Variants in HYDIN observed in about 807,000 individuals in gnomAD.
HYDIN encodes the protein axonemal central pair apparatus protein HYDIN.
HYDIN carries 132 observed loss-of-function variants against 403.9 expected under a neutral mutation model. The observed-to-expected ratio is 0.33, with a 90% CI of 0.28 to 0.38. The LOEUF is 0.38. HYDIN is among the 10% of genes least tolerant of loss of function. HYDIN has a pLI of 1.00. For synonymous variants in HYDIN, 1,202 were observed against 1,891.7 expected, an observed-to-expected ratio of 0.64 and a Z score of 9.46; for missense variants, 2,827 against 5,009.5, an observed-to-expected ratio of 0.56 and a Z score of 13.15.
intron 47 of HYDIN, 75 bp from the exon 48 acceptor site, chr16:70,908,936 T>A: frequency 6.4e-7 from 1 of 1,571,454 alleles, no homozygotes; most frequent in Non-Finnish European, 8.6e-7. Context: ...GATGGCCACA[T>A]GTCTGTCATC....
intron 1 of HYDIN, 80 bp from the exon 2 acceptor site, chr16:71,186,998 A>C: frequency 1.1e-6 from 1 of 884,334 alleles, no homozygotes; most frequent in Non-Finnish European, 1.7e-6. Flanking sequence ...AAGCTTTTTC[A>C]AATACAGGAA....
chr16:70,839,657 G>T (rs2037679845), intron 76 of HYDIN, among the ~76,000 whole-genome samples: 1 of 152,174 alleles, frequency 6.6e-6, no homozygotes, highest in Non-Finnish European at 1.5e-5. Flanking sequence ...TCCCACACAG[G>T]GATGGTGCCG....
At chr16:70,854,178 C>A (rs1481074182) in intron 73 of HYDIN, among the ~76,000 whole-genome samples, 2 of 152,168 alleles carry the variant, frequency 1.3e-5, no homozygotes, top group Admixed American at 6.5e-5. Context: ...CCACGCCCAG[C>A]AGTCTTCCTA....
At chr16:71,161,633 C>T (rs2086005384) in intron 6 of HYDIN, among the ~76,000 whole-genome samples, 1 of 152,150 alleles carries the variant, frequency 6.6e-6, no homozygotes, top group Non-Finnish European at 1.5e-5. Context: ...CTTCTGCTTC[C>T]TTCTTCTATT....
intron 18 of HYDIN, among the ~76,000 whole-genome samples, chr16:71,039,290 A>G (rs2081203610): frequency 6.6e-6 from 1 of 152,220 alleles, no homozygotes; most frequent in African/African-American, 2.4e-5. Flanking sequence ...ATGCTCAGTC[A>G]GTGGTGATCA....
intron 18 of HYDIN, among the ~76,000 whole-genome samples, chr16:71,034,135 A>G (rs866971225): frequency 6.6e-6 from 1 of 152,104 alleles, no homozygotes; most frequent in Non-Finnish European, 1.5e-5. Flanking sequence ...TAACGCATAC[A>G]GTAGAAAACA....
chr16:71,105,325 A>C (rs973920084), intron 10 of HYDIN, among the ~76,000 whole-genome samples: 6 of 151,990 alleles, frequency 3.9e-5, no homozygotes, highest in African/African-American at 1.4e-4. Flanking sequence ...TATCTAAAAA[A>C]AAAAATTCCA....
At chr16:71,224,305 G>C (rs1322835897) in intron 1 of HYDIN, among the ~76,000 whole-genome samples, 1 of 152,086 alleles carries the variant, frequency 6.6e-6, no homozygotes, top group Non-Finnish European at 1.5e-5. Flanking sequence ...TCAGAAGTAG[G>C]GTAAGGGATA....
At chr16:70,905,732 C>T (rs1265423675) in intron 50 of HYDIN, among the ~76,000 whole-genome samples, 6 of 151,984 alleles carry the variant, frequency 3.9e-5, no homozygotes, top group Non-Finnish European at 7.4e-5. Flanking sequence ...CACTGTCCTT[C>T]CCACATCAGT....
chr16:70,927,488 C>T (rs1597342595), intron 45 of HYDIN, among the ~76,000 whole-genome samples: 2 of 147,672 alleles, frequency 1.4e-5, no homozygotes, highest in Middle Eastern at 6.8e-3. Context: ...CCTTCATCTG[C>T]ATGCAACTAC....
At chr16:71,107,289 A>G (rs1244770622) in intron 10 of HYDIN, among the ~76,000 whole-genome samples, 3 of 151,168 alleles carry the variant, frequency 2.0e-5, no homozygotes, top group Admixed American at 1.3e-4. Context: ...CCTAGCACTT[A>G]AAGCATAATA....
chr16:71,042,677 A>G (rs1256539775), intron 18 of HYDIN, among the ~76,000 whole-genome samples: 1 of 152,192 alleles, frequency 6.6e-6, no homozygotes, highest in Non-Finnish European at 1.5e-5. Context: ...TGTATCTATC[A>G]TGGACATCAC....
intron 1 of HYDIN, among the ~76,000 whole-genome samples, chr16:71,201,366 A>G (rs1038854576): frequency 1.3e-5 from 2 of 152,084 alleles, no homozygotes; most frequent in African/African-American, 4.8e-5. Flanking sequence ...ATCTTCATTT[A>G]AAAAAAGAAT....
At chr16:70,886,365 CTCTG>C (rs1179536655) in intron 58 of HYDIN, among the ~76,000 whole-genome samples, 4 of 151,052 alleles carry the variant, frequency 2.6e-5, no homozygotes, top group South Asian at 2.1e-4. Context: ...TCTTTCCCCG[CTCTG>C]TCTAAAATAT....
chr16:71,191,376 A>T (rs180672844), intron 1 of HYDIN, among the ~76,000 whole-genome samples: 10 of 152,328 alleles, frequency 6.6e-5, no homozygotes, highest in Admixed American at 6.5e-4. Context: ...ATTGTCTGAG[A>T]TATACTTTAA....
In HYDIN at chr16:70,920,758, G is replaced by A. The variant is rs1166348628; in HGVS notation, c.7618C>T (p.Arg2540Ter). 5 of 1,565,904 alleles carry A rather than the reference G, an allele frequency of 3.2e-6. No individual in the cohort carries two copies. The highest frequency in any genetic ancestry group is 4.3e-6 in the Non-Finnish European group (5 of 1,154,558). The change falls in exon 46 of 86, where the codon CGA (arginine) becomes TGA (stop). Residue 2540 changes from arginine to a stop codon, truncating the protein, a stop_gained. Coordinates refer to ENST00000393567, the MANE Select transcript of HYDIN (RefSeq NM_001270974.2). LOFTEE classifies it high-confidence loss of function. ...KAERERLEKL[R>*]ALEERSDWEG... ...CAGTCGCTCCGCTCCTCCAGGGCTC[G>A]CAGCTTCTCCAGGCGCTCCCGCTCC...
intron 21 of HYDIN, among the ~76,000 whole-genome samples, chr16:71,023,324 A>ATATTT (rs945890765): frequency 1.3e-5 from 2 of 151,498 alleles, no homozygotes; most frequent in Admixed American, 6.6e-5. Flanking sequence ...CAAGCCATGG[A>ATATTT]TATTTTATTT....
chr16:71,204,312 T>A (rs890508912), intron 1 of HYDIN, among the ~76,000 whole-genome samples: 1 of 152,206 alleles, frequency 6.6e-6, no homozygotes, highest in Non-Finnish European at 1.5e-5. Context: ...TAAAGCCAGC[T>A]ATACACAGAA....
Position 70,921,089 on chromosome 16 carries a change from C to A in HYDIN, c.7287G>T (p.Met2429Ile). Residue 2429 changes from methionine (M) to isoleucine (I), a missense_variant, in exon 46 of 86, where the codon ATG (methionine) becomes ATT (isoleucine). Physicochemically the swap from Met to Ile is conservative, Grantham distance 10 (BLOSUM62 1). Coordinates refer to ENST00000393567, the MANE Select transcript of HYDIN (RefSeq NM_001270974.2). Reference sequence around the variant, plus strand: ...GGTCCTGGACAAGAGGAAGCCCATGCATGCTGACATCGCCCATGTTCCTTT... The same window carrying A: ...GGTCCTGGACAAGAGGAAGCCCATGAATGCTGACATCGCCCATGTTCCTTT... ...KKKRNMGDVS[M>I]HGLPLVQDQE... 1 of 1,597,726 alleles carries A rather than the reference C, an allele frequency of 6.3e-7. No homozygotes were observed.
Sources: gnomAD v4.1 joint callset for allele counts (sites outside exome capture counted in the v4.1 genomes callset) on GRCh38, gnomAD v4.1.1 for gene constraint, MANE v1.5 for transcripts, NCBI Gene and HGNC (gene_info 2026-07-23, HGNC 2026-07-21) for gene names.